Variants in DOCK4 observed in about 807,000 individuals in gnomAD.
The protein encoded by DOCK4 is dedicator of cytokinesis 4, also known as dedicator of cytokinesis protein 4.
DOCK4 carries 97 observed loss-of-function variants against 268.1 expected under a neutral mutation model. The observed-to-expected ratio is 0.36, with a 90% CI of 0.31 to 0.43. The LOEUF is 0.43. Ranked by LOEUF, DOCK4 falls within the 20% of genes least tolerant of loss-of-function variation. The pLI is 1.00. For missense variants in DOCK4, 2,145 were observed against 2,455.7 expected (o/e 0.87, Z 2.67); for synonymous variants, 954 against 887.2 (o/e 1.08, Z -1.34).
At chr7:111,740,278 T>C in intron 47 of DOCK4, 1 of 280,728 alleles carries the variant, frequency 3.6e-6, no homozygotes, top group South Asian at 2.8e-5. Context: ...TTTTGTATTT[T>C]TGATAGAGAC....
intron 8 of DOCK4, among the ~76,000 whole-genome samples, chr7:111,949,631 TAAAAGAA>T (rs955296590): frequency 6.6e-6 from 1 of 151,382 alleles, no homozygotes; most frequent in East Asian, 1.9e-4. Context: ...AGACTTCTTT[TAAAAGAA>T]AAAAGAAAAA....
chr7:111,839,139 C>T (rs1803471116), intron 25 of DOCK4, among the ~76,000 whole-genome samples: 2 of 152,206 alleles, frequency 1.3e-5, no homozygotes, highest in Non-Finnish European at 2.9e-5. Flanking sequence ...AGTGACTCAT[C>T]TTCCTTCTGC....
At chr7:111,739,674 C>A in intron 47 of DOCK4, 197 bp from the exon 48 acceptor site, 1 of 580,684 alleles carries the variant, frequency 1.7e-6, no homozygotes, top group Non-Finnish European at 3.0e-6. Context: ...TGACTCCTGC[C>A]AAAGGAATGC....
intron 8 of DOCK4, among the ~76,000 whole-genome samples, chr7:111,976,258 A>G (rs903092013): frequency 1.4e-5 from 1 of 73,452 alleles, no homozygotes; most frequent in Non-Finnish European, 2.7e-5. Context: ...ATATATGTGT[A>G]TGTGTGTCTA....
chr7:111,758,876 G>T, intron 40 of DOCK4, 86 bp from the exon 41 acceptor site: 2 of 1,229,798 alleles, frequency 1.6e-6, no homozygotes, highest in South Asian at 1.4e-5. Flanking sequence ...GAGAGAAGAG[G>T]ATGGGTAACA....
chr7:111,894,330 C>T (rs970902995), intron 16 of DOCK4, among the ~76,000 whole-genome samples: 6 of 152,118 alleles, frequency 3.9e-5, no homozygotes, highest in Non-Finnish European at 7.4e-5. Flanking sequence ...CTTATTCATT[C>T]AATAATCTTC....
intron 1 of DOCK4, among the ~76,000 whole-genome samples, chr7:112,189,857 C>T (rs1008699406): frequency 6.8e-6 from 1 of 146,398 alleles, no homozygotes; most frequent in Non-Finnish European, 1.5e-5. Flanking sequence ...GCTGGGATTA[C>T]GGGCATGAGT....
chr7:112,169,627 T>G (rs1319709421), intron 1 of DOCK4, among the ~76,000 whole-genome samples: 1 of 152,196 alleles, frequency 6.6e-6, no homozygotes, highest in African/African-American at 2.4e-5. Context: ...ATCCCAATCA[T>G]GCATCTGTCG....
intron 2 of DOCK4, among the ~76,000 whole-genome samples, chr7:112,003,067 G>A (rs1800562247): frequency 6.7e-6 from 1 of 149,324 alleles, no homozygotes. Context: ...AAAAAAAAAG[G>A]AAACAGAAAA....
At chr7:111,922,953 A>G (rs1013016761) in intron 12 of DOCK4, among the ~76,000 whole-genome samples, 6 of 152,174 alleles carry the variant, frequency 3.9e-5, no homozygotes, top group Non-Finnish European at 7.3e-5. Context: ...AAAATCTCCA[A>G]GTCTTCATCT....
chr7:112,189,746 G>GTTTTTTTTTTT (rs57399750), intron 1 of DOCK4, among the ~76,000 whole-genome samples: 1 of 95,774 alleles, frequency 1.0e-5, no homozygotes, highest in Non-Finnish European at 1.9e-5. Flanking sequence ...TCTGGGTTTT[G>GTTTTTTTTTTT]TTTTTTTTTT....
At chr7:112,175,599 A>T (rs1344840647) in intron 1 of DOCK4, among the ~76,000 whole-genome samples, 1 of 151,776 alleles carries the variant, frequency 6.6e-6, no homozygotes, top group African/African-American at 2.4e-5. Context: ...AAACTCTCAT[A>T]TTTTTTTTCA....
intron 13 of DOCK4, among the ~76,000 whole-genome samples, chr7:111,906,705 G>A (rs192516016): frequency 3.0e-3 from 449 of 152,200 alleles, no homozygotes; most frequent in Non-Finnish European, 5.3e-3. Context: ...ATAATCACAG[G>A]GTCCTTGAAA....
Position 111,742,084 on chromosome 7 carries a change from G to C in DOCK4, c.4726C>G (p.Gln1576Glu), listed in dbSNP as rs1209109774. 6.2e-7 allele frequency: 1 copy of C among 1,606,360 alleles called. No homozygotes were observed. The highest frequency in any genetic ancestry group is 1.7e-5 in the Admixed American group (1 of 58,098). Residue 1576 changes from glutamine to glutamate, a missense_variant, in exon 45 of 53, where the codon CAA becomes GAA. This residue lies in a region of DOCK4 where 1,598 missense variants were observed against 1,986.7 expected (regional missense o/e 0.80). Transcript: ENST00000428084. Reference sequence around the variant, plus strand: ...TTTTTGTGAAGGGGTCTCATATCTTGAGGTACAAACTTCTCATGCACGGCC... The same window carrying C: ...TTTTTGTGAAGGGGTCTCATATCTTCAGGTACAAACTTCTCATGCACGGCC... ...GLAVHEKFVP[Q>E]DMRPLHKKLV...
intron 30 of DOCK4, among the ~76,000 whole-genome samples, chr7:111,800,151 T>C (rs1228884093): frequency 6.6e-6 from 1 of 151,960 alleles, no homozygotes; most frequent in South Asian, 2.1e-4. Flanking sequence ...CAATGCACTT[T>C]AAGCTAGGAA....
At chr7:112,085,048 T>C (rs1166400975) in intron 1 of DOCK4, among the ~76,000 whole-genome samples, 4 of 152,094 alleles carry the variant, frequency 2.6e-5, no homozygotes, top group Non-Finnish European at 5.9e-5. Context: ...CTATATCCCA[T>C]TCTATGAGAA....
At chr7:111,764,818 C>G (rs1368483695) in intron 39 of DOCK4, among the ~76,000 whole-genome samples, 1 of 151,756 alleles carries the variant, frequency 6.6e-6, no homozygotes, top group African/African-American at 2.4e-5. Context: ...CATTTTTTTT[C>G]TAATACTAAC....
chr7:112,095,470 G>T (rs1162520465), intron 1 of DOCK4, among the ~76,000 whole-genome samples: 3 of 152,166 alleles, frequency 2.0e-5, no homozygotes, highest in Non-Finnish European at 2.9e-5. Flanking sequence ...AGTGACCCAT[G>T]ACATTTCTTA....
intron 23 of DOCK4, among the ~76,000 whole-genome samples, chr7:111,852,294 C>T (rs1456682403): frequency 6.6e-6 from 1 of 152,158 alleles, no homozygotes; most frequent in Non-Finnish European, 1.5e-5. Flanking sequence ...ATGCCTGCCA[C>T]TGGGTTACCA....
Sources: gnomAD v4.1 joint callset for allele counts (sites outside exome capture counted in the v4.1 genomes callset) on GRCh38, gnomAD v4.1.1 for gene constraint, gnomAD v4.1.1 regional missense constraint, MANE v1.5 for transcripts, NCBI Gene and HGNC (gene_info 2026-07-23, HGNC 2026-07-21) for gene names.